The following MCU variants were observed in gnomAD, a reference collection of about 807,000 sequenced individuals.
MCU encodes calcium uniporter protein, mitochondrial.
In MCU, 12 loss-of-function variants were observed where a neutral mutation model predicts 45.2. The ratio of observed to expected loss-of-function variants is 0.27; its 90% CI spans 0.17 to 0.43. The LOEUF (loss-of-function observed/expected upper bound fraction) is 0.43, where lower values mean the gene tolerates loss of function less well. MCU is among the 20% of genes least tolerant of loss of function. MCU has a pLI of 1.00. For missense variants in MCU, 324 were observed against 436.7 expected, an observed-to-expected ratio of 0.74 and a Z score of 2.30; for synonymous variants, 160 against 165.1, an observed-to-expected ratio of 0.97 and a Z score of 0.24.
chr10:72,881,814 G>A (rs1394879779), intron 6 of MCU, among the ~76,000 whole-genome samples: 1 of 152,164 alleles, frequency 6.6e-6, no homozygotes, highest in South Asian at 2.1e-4. Flanking sequence ...ATCTCCAAGA[G>A]AAATGAAAAT....
At chr10:72,879,292 A>G (rs896768836) in intron 6 of MCU, among the ~76,000 whole-genome samples, 3 of 152,178 alleles carry the variant, frequency 2.0e-5, no homozygotes, top group African/African-American at 7.2e-5. Flanking sequence ...GGAAATTTCC[A>G]TTGAGATATA....
intron 1 of MCU, among the ~76,000 whole-genome samples, chr10:72,707,752 A>T (rs1185210462): frequency 1.3e-5 from 2 of 152,086 alleles, no homozygotes; most frequent in East Asian, 3.9e-4. Context: ...TTGATCTTGG[A>T]CAAGTGACTT....
chr10:72,882,903 G>A (rs970152878), intron 6 of MCU, among the ~76,000 whole-genome samples: 2 of 152,172 alleles, frequency 1.3e-5, no homozygotes, highest in South Asian at 2.1e-4. Context: ...CCCCCCGGAT[G>A]CCCAGCTTTA....
At chr10:72,763,707 A>C (rs945716256) in intron 1 of MCU, among the ~76,000 whole-genome samples, 3 of 152,114 alleles carry the variant, frequency 2.0e-5, no homozygotes, top group African/African-American at 7.2e-5. Context: ...ATTTCACTTT[A>C]GGTAGATCAT....
chr10:72,710,904 G>A (rs904228911), intron 1 of MCU, among the ~76,000 whole-genome samples: 3 of 152,144 alleles, frequency 2.0e-5, no homozygotes, highest in South Asian at 4.1e-4. Context: ...CTGGCCGGGC[G>A]CAGTGGCTCA....
intron 1 of MCU, among the ~76,000 whole-genome samples, chr10:72,701,792 A>C (rs907340427): frequency 2.0e-5 from 3 of 151,756 alleles, no homozygotes; most frequent in Non-Finnish European, 4.4e-5. Flanking sequence ...CGGCCTCCCA[A>C]AATGCTGGGA....
chr10:72,812,864 C>A (rs115593373), intron 1 of MCU, among the ~76,000 whole-genome samples: 173 of 152,168 alleles, frequency 1.1e-3, no homozygotes, highest in African/African-American at 4.0e-3. Context: ...GAGTATCCAG[C>A]CCTGAGTAAA....
intron 1 of MCU, among the ~76,000 whole-genome samples, chr10:72,815,093 A>C (rs918495283): frequency 6.6e-6 from 1 of 152,240 alleles, no homozygotes; most frequent in African/African-American, 2.4e-5. Flanking sequence ...GAAACAAAAG[A>C]CATCTATGCA....
At chr10:72,837,711 C>T (rs1480645954) in intron 2 of MCU, among the ~76,000 whole-genome samples, 1 of 152,098 alleles carries the variant, frequency 6.6e-6, no homozygotes, top group East Asian at 1.9e-4. Flanking sequence ...ATGGTTTATA[C>T]TTACTTGAAG....
chr10:72,692,173 T>A lies in MCU; in HGVS notation c.22T>A (p.Ser8Thr), dbSNP rs745829005. 3.9e-6 allele frequency: 5 copies of A among 1,286,876 alleles called. No homozygotes were observed. Among genetic ancestry groups the A allele is most frequent in the Non-Finnish European group, 4.0e-6 (4 of 1,010,046 alleles). The allele number at this position is 1,286,876 out of a possible 1,614,324, so 79.7% of individuals were successfully genotyped here. A position where few individuals can be genotyped will look rare whatever the true frequency, so the allele number is the denominator to read the frequency against. ...AGAGATGGCGGCCGCCGCAGGTAGA[T>A]CGCTCCTGCTGCTCCTCTCCTCTCG... MAAAAGR[S>T]LLLLLSSRGG... Residue 8 changes from serine (S) to threonine (T), a missense_variant, in exon 1 of 8, where the codon TCG (serine) becomes ACG (threonine). By Grantham distance (58) the Ser-to-Thr change is moderately conservative. This residue lies in a region of MCU where 111 missense variants were observed against 112.3 expected (regional missense o/e 0.99). Coordinates refer to ENST00000373053, the MANE Select transcript of MCU (RefSeq NM_138357.3).
chr10:72,796,693 G>GTTTTTTTTT (rs34029455), intron 1 of MCU, among the ~76,000 whole-genome samples: 1 of 133,964 alleles, frequency 7.5e-6, no homozygotes, highest in Non-Finnish European at 1.6e-5. Flanking sequence ...TTTAGTTTTT[G>GTTTTTTTTT]TTTTTTTTTT....
chr10:72,767,932 CTT>C (rs901143910), intron 1 of MCU, among the ~76,000 whole-genome samples: 1 of 151,980 alleles, frequency 6.6e-6, no homozygotes, highest in African/African-American at 2.4e-5. Flanking sequence ...TTGTTAGGCT[CTT>C]TTAATTTAGG....
At chr10:72,770,138 T>C (rs557510739) in intron 1 of MCU, among the ~76,000 whole-genome samples, 83 of 152,322 alleles carry the variant, frequency 5.4e-4, no homozygotes, top group South Asian at 4.4e-3. Context: ...ATTTCTAATT[T>C]TATTTCATTG....
At chr10:72,868,943 T>G in intron 5 of MCU, 80 bp downstream of exon 5, 1 of 1,392,096 alleles carries the variant, frequency 7.2e-7, no homozygotes, top group Non-Finnish European at 9.8e-7. Flanking sequence ...TTCTTGTAAG[T>G]TTTATGCAAT....
intron 1 of MCU, among the ~76,000 whole-genome samples, chr10:72,814,502 A>C (rs1434521275): frequency 6.6e-6 from 1 of 152,208 alleles, no homozygotes; most frequent in African/African-American, 2.4e-5. Flanking sequence ...ACTTCAATTA[A>C]AAGTAGCAGA....
chr10:72,699,854 A>ACACCT lies in MCU; in HGVS notation c.150+7553_150+7554insCACCT, dbSNP rs1842735420. On this transcript the variant is annotated intron_variant, in intron 1 of 7. Transcript: ENST00000373053. ...TGATCTGCGTGTCTTGGCCTCCCAAAGTACTGGGGTTACAGGTGTGAGCCA... is the reference window on the plus strand; with the variant it reads ...TGATCTGCGTGTCTTGGCCTCCCAAACACCTGTACTGGGGTTACAGGTGTGAGCCA... Among the ~76,000 whole-genome samples, 3 of 152,118 alleles carry ACACCT rather than the reference A, an allele frequency of 2.0e-5. No homozygotes were observed. In the South Asian group the frequency reaches 6.2e-4, roughly 32 times the overall value.
chr10:72,853,059 T>C (rs574622380), intron 2 of MCU, among the ~76,000 whole-genome samples: 8 of 152,270 alleles, frequency 5.3e-5, no homozygotes, highest in African/African-American at 1.9e-4. Flanking sequence ...AACATGCAAC[T>C]AATTTAACTA....
chr10:72,852,127 C>CTA (rs1845216443), intron 2 of MCU, among the ~76,000 whole-genome samples: 2 of 152,136 alleles, frequency 1.3e-5, no homozygotes, highest in Admixed American at 6.5e-5. Flanking sequence ...ATAATTTAAT[C>CTA]ACTAATCTTA....
At chr10:72,865,187 A>G (rs1845434536) in intron 4 of MCU, among the ~76,000 whole-genome samples, 1 of 152,200 alleles carries the variant, frequency 6.6e-6, no homozygotes, top group Admixed American at 6.5e-5. Flanking sequence ...TTGAAAAAAC[A>G]GGGGATTGTA....
Sources: allele counts gnomAD v4.1 joint callset (sites outside exome capture counted in the v4.1 genomes callset), GRCh38; gene constraint gnomAD v4.1.1; regional missense constraint gnomAD v4.1.1; transcripts MANE v1.5; gene names NCBI Gene and HGNC (gene_info 2026-07-23, HGNC 2026-07-21).